The following FBXL20 variants were observed in gnomAD, a reference collection of about 807,000 sequenced individuals.
FBXL20 encodes the protein F-box/LRR-repeat protein 20.
In FBXL20, 11 loss-of-function variants were observed where a neutral mutation model predicts 64.0. The ratio of observed to expected loss-of-function variants is 0.17; its 90% CI spans 0.11 to 0.28. The LOEUF (loss-of-function observed/expected upper bound fraction) is 0.28. FBXL20 is among the 10% of genes least tolerant of loss of function. FBXL20 has a pLI of 1.00. For missense variants in FBXL20, 303 were observed against 526.2 expected (o/e 0.58, Z 4.15); for synonymous variants, 184 against 189.0 (o/e 0.97, Z 0.22).
intron 1 of FBXL20, among the ~76,000 whole-genome samples, chr17:39,375,020 C>T (rs1465381315): frequency 6.6e-6 from 1 of 152,120 alleles, no homozygotes; most frequent in Non-Finnish European, 1.5e-5. Context: ...CTCTTGACCT[C>T]GTGATCCACC....
Position 39,290,964 on chromosome 17 carries a change from A to ATT in FBXL20, c.399-5393_399-5392dup, listed in dbSNP as rs1555604835. Among the ~76,000 whole-genome samples the ATT allele has an allele frequency of 3.5e-5, 5 of 144,066 alleles. No individual in the cohort carries two copies. In the South Asian group the frequency reaches 9.1e-4, roughly 26 times the overall value. The allele number at this position is 144,066 out of a possible 152,430, so 94.5% of individuals were successfully genotyped here. On this transcript the variant is annotated intron_variant, in intron 6 of 14. Transcript: ENST00000264658. ...ACTTTATAAGTCTTCTCCATTCTGT[A>ATT]TTTTTTTTTTTTTTTAAGACAGAGT...
At chr17:39,276,225 A>G (rs1219792360) in intron 9 of FBXL20, among the ~76,000 whole-genome samples, 3 of 147,048 alleles carry the variant, frequency 2.0e-5, no homozygotes, top group South Asian at 2.1e-4. Context: ...AGAAAAGAAA[A>G]AAAAAAAAAA....
chr17:39,280,567 AAAATAAAT>A (rs71974319), intron 9 of FBXL20, among the ~76,000 whole-genome samples: 4 of 148,824 alleles, frequency 2.7e-5, no homozygotes, highest in African/African-American at 5.0e-5. Flanking sequence ...ACTTTGCCTC[AAAATAAAT>A]AAATAAATAA....
intron 10 of FBXL20, 35 bp from the exon 11 acceptor site, chr17:39,270,891 G>A: frequency 7.9e-6 from 12 of 1,518,590 alleles, no homozygotes; most frequent in Non-Finnish European, 1.1e-5. Context: ...TGAAAGTCAA[G>A]CTCTTGGTCC....
chr17:39,335,995 G>T (rs539034782), intron 2 of FBXL20, among the ~76,000 whole-genome samples: 2 of 152,146 alleles, frequency 1.3e-5, no homozygotes, highest in Non-Finnish European at 2.9e-5. Flanking sequence ...AACAACATGC[G>T]TGTAGTCCCA....
At chr17:39,334,868 T>C (rs1163601812) in intron 2 of FBXL20, among the ~76,000 whole-genome samples, 2 of 152,176 alleles carry the variant, frequency 1.3e-5, no homozygotes, top group Admixed American at 6.5e-5. Flanking sequence ...GGAGGGTGGA[T>C]CCTGAGGTCA....
At chr17:39,323,556 T>TCGTA (rs1555608935) in intron 2 of FBXL20, among the ~76,000 whole-genome samples, 1 of 151,522 alleles carries the variant, frequency 6.6e-6, no homozygotes, top group African/African-American at 2.4e-5. Context: ...ACCTCTTTCT[T>TCGTA]CTTTACAATC....
Position 39,285,584 on chromosome 17 carries a change from G to A in FBXL20, c.399-11C>T. 1 of 1,544,372 alleles carries A rather than the reference G, an allele frequency of 6.5e-7. No homozygotes were observed. Among genetic ancestry groups the A allele is most frequent in the Non-Finnish European group, 8.8e-7 (1 of 1,134,778 alleles). On this transcript the variant is annotated splice_polypyrimidine_tract_variant and intron_variant, in intron 6 of 14. Transcript: ENST00000264658. ...AGGCTAGTACATGTACTGAAAAATG[G>A]AAAAAGGAGAAAATAATGAATAAAC...
chr17:39,361,071 T>C (rs1353651647), intron 1 of FBXL20, among the ~76,000 whole-genome samples: 1 of 152,162 alleles, frequency 6.6e-6, no homozygotes, highest in East Asian at 1.9e-4. Context: ...GTTTTTATTA[T>C]TGCATTGCAT....
At position 39,388,881 on chromosome 17, in the gene FBXL20, T is replaced by C. The variant is rs568545176; in HGVS notation, c.42+12480A>G. On this transcript the variant is annotated intron_variant, in intron 1 of 14. Transcript: ENST00000264658. ...CTTTGGGAGGCTGAGGTGGGTGGAG[T>C]ACCTGAGGTCAGGAGTTCGAGACCA... 8.1e-5 allele frequency among the ~76,000 whole-genome samples: 12 copies of C among 147,672 alleles called. No individual in the cohort carries two copies. The South Asian group carries it at 2.6e-3, about 31-fold the overall frequency.
chr17:39,282,616 T>C (rs1037684237), intron 8 of FBXL20, 113 bp downstream of exon 8: 59 of 1,391,324 alleles, frequency 4.2e-5, no homozygotes, highest in Non-Finnish European at 5.1e-5. Flanking sequence ...CTTTTGTCAA[T>C]AATACACACA....
intron 9 of FBXL20, among the ~76,000 whole-genome samples, chr17:39,276,853 G>T (rs915580795): frequency 6.6e-6 from 1 of 152,200 alleles, no homozygotes; most frequent in South Asian, 2.1e-4. Context: ...TCAGGAGGCT[G>T]AAGTGGAATG....
intron 1 of FBXL20, among the ~76,000 whole-genome samples, chr17:39,345,400 CAAT>C (rs2047622377): frequency 6.6e-6 from 1 of 151,970 alleles, no homozygotes; most frequent in Non-Finnish European, 1.5e-5. Context: ...AAAAAGATAA[CAAT>C]ATGTACAAAA....
Position 39,291,037 on chromosome 17 carries a change from C to T in FBXL20, c.399-5464G>A, listed in dbSNP as rs1347405015. 2.0e-5 allele frequency among the ~76,000 whole-genome samples: 3 copies of T among 151,810 alleles called. No individual in the cohort carries two copies. In the East Asian group the frequency reaches 5.8e-4, roughly 29 times the overall value. On this transcript the variant is annotated intron_variant, in intron 6 of 14. Transcript: ENST00000264658. ...AGTGCAGTGGCGCGATCTCGGCTCA[C>T]TGCAAGCTCCGCCTCCCGGGTTCAT...
At chr17:39,391,778 C>A (rs547571174) in intron 1 of FBXL20, among the ~76,000 whole-genome samples, 6 of 151,662 alleles carry the variant, frequency 4.0e-5, no homozygotes, top group Non-Finnish European at 5.9e-5. Flanking sequence ...AAATTTAAAT[C>A]GTTTATTTGC....
chr17:39,388,321 T>A (rs2048101365), intron 1 of FBXL20, among the ~76,000 whole-genome samples: 1 of 151,772 alleles, frequency 6.6e-6, no homozygotes, highest in Non-Finnish European at 1.5e-5. Context: ...TAGCTGGGCA[T>A]GGTGGCACAC....
intron 14 of FBXL20, 28 bp downstream of exon 14, chr17:39,264,147 A>T: frequency 6.2e-7 from 1 of 1,605,360 alleles, no homozygotes; most frequent in Non-Finnish European, 8.5e-7. Context: ...CTAACACTAG[A>T]GTTGGAGAGT....
intron 1 of FBXL20, among the ~76,000 whole-genome samples, chr17:39,349,226 TG>T (rs1467424283): frequency 3.4e-5 from 5 of 148,586 alleles, no homozygotes; most frequent in Admixed American, 1.4e-4. Context: ...CACTCCAGCC[TG>T]GGGAACAGAG....
chr17:39,362,086 G>A (rs2047801110), intron 1 of FBXL20, among the ~76,000 whole-genome samples: 1 of 151,236 alleles, frequency 6.6e-6, no homozygotes, highest in Non-Finnish European at 1.5e-5. Flanking sequence ...AGGAGATCGA[G>A]ACCATCCTGG....
Sources: gnomAD v4.1 joint callset for allele counts (sites outside exome capture counted in the v4.1 genomes callset) on GRCh38, gnomAD v4.1.1 for gene constraint, MANE v1.5 for transcripts, NCBI Gene and HGNC (gene_info 2026-07-23, HGNC 2026-07-21) for gene names.